The following SLC25A21 variants were observed in gnomAD, a reference collection of about 807,000 sequenced individuals.
SLC25A21 encodes mitochondrial 2-oxodicarboxylate carrier.
SLC25A21 carries 47 observed loss-of-function variants against 43.8 expected under a neutral mutation model. The observed-to-expected ratio is 1.07, with a 90% CI of 0.85 to 1.37. The LOEUF is 1.37. SLC25A21 is among the 40% of genes most tolerant of loss of function. SLC25A21 has a pLI of 0.00. For synonymous variants in SLC25A21, 131 were observed against 121.3 expected (o/e 1.08, Z -0.52); for missense variants, 352 against 350.2 (o/e 1.00, Z -0.04).
intron 1 of SLC25A21, among the ~76,000 whole-genome samples, chr14:36,921,767 T>C (rs1328235385): frequency 6.6e-6 from 1 of 152,192 alleles, no homozygotes; most frequent in African/African-American, 2.4e-5. Context: ...ATGCTCATTT[T>C]GTGAAAACTT....
chr14:37,126,286 C>A (rs924092714), intron 1 of SLC25A21, among the ~76,000 whole-genome samples: 1 of 152,024 alleles, frequency 6.6e-6, no homozygotes, highest in Non-Finnish European at 1.5e-5. Flanking sequence ...AAACCATCAT[C>A]AAGGCTTGAC....
At chr14:36,777,261 A>G (rs542307047) in intron 3 of SLC25A21, among the ~76,000 whole-genome samples, 181 of 152,312 alleles carry the variant, frequency 1.2e-3, no homozygotes, top group African/African-American at 4.2e-3. Context: ...CTGTCTCAAA[A>G]AAACAAAAAC....
At chr14:36,731,691 G>T (rs1396204122) in intron 4 of SLC25A21, among the ~76,000 whole-genome samples, 4 of 152,134 alleles carry the variant, frequency 2.6e-5, no homozygotes, top group Non-Finnish European at 4.4e-5. Flanking sequence ...AAAGCCTTTT[G>T]GGTGGTTCTT....
intron 3 of SLC25A21, among the ~76,000 whole-genome samples, chr14:36,788,000 T>C (rs1300263479): frequency 2.6e-5 from 4 of 152,200 alleles, no homozygotes. Flanking sequence ...GCTAAGCAAC[T>C]ATAAACACTA....
chr14:36,694,257 GCTGCA>G (rs988984784), intron 7 of SLC25A21, among the ~76,000 whole-genome samples: 1 of 152,120 alleles, frequency 6.6e-6, no homozygotes, highest in African/African-American at 2.4e-5. Flanking sequence ...CCTTTTTATG[GCTGCA>G]TAGTATTCCA....
At chr14:37,172,205 T>C in intron 1 of SLC25A21, 76 bp downstream of exon 1, 1 of 1,428,562 alleles carries the variant, frequency 7.0e-7, no homozygotes, top group Non-Finnish European at 9.5e-7. Context: ...TAAGGAGACC[T>C]GTCTGGGCAA....
intron 1 of SLC25A21, among the ~76,000 whole-genome samples, chr14:37,117,597 G>A (rs1054951135): frequency 4.4e-4 from 67 of 152,218 alleles, no homozygotes; most frequent in Admixed American, 3.8e-3. Flanking sequence ...ATATACTAGA[G>A]TACGTTTTTC....
chr14:36,774,670 G>A (rs1003065664), intron 3 of SLC25A21, among the ~76,000 whole-genome samples: 6 of 152,004 alleles, frequency 3.9e-5, no homozygotes. Context: ...TGGGCTCAAG[G>A]ATCCTCCCCC....
chr14:37,050,691 C>T (rs1961684442), intron 1 of SLC25A21, among the ~76,000 whole-genome samples: 1 of 152,178 alleles, frequency 6.6e-6, no homozygotes, highest in African/African-American at 2.4e-5. Context: ...TCTTCCAAGC[C>T]AAAGTCATCT....
At chr14:37,159,679 T>G (rs981767045) in intron 1 of SLC25A21, among the ~76,000 whole-genome samples, 8 of 152,166 alleles carry the variant, frequency 5.3e-5, no homozygotes, top group African/African-American at 1.9e-4. Flanking sequence ...AAGGAATTTA[T>G]GACTAATACC....
At chr14:36,783,517 G>T (rs540910935) in intron 3 of SLC25A21, among the ~76,000 whole-genome samples, 1 of 152,230 alleles carries the variant, frequency 6.6e-6, no homozygotes, top group East Asian at 1.9e-4. Flanking sequence ...CAAGAAAGAG[G>T]TTGGCCTCCT....
At chr14:36,752,914 G>T (rs557440797) in intron 3 of SLC25A21, among the ~76,000 whole-genome samples, 1 of 152,280 alleles carries the variant, frequency 6.6e-6, no homozygotes, top group African/African-American at 2.4e-5. Context: ...TAAGTTTCCT[G>T]AGGCCTCCCA....
At chr14:36,738,741 T>C (rs1036349318) in intron 3 of SLC25A21, among the ~76,000 whole-genome samples, 1 of 152,226 alleles carries the variant, frequency 6.6e-6, no homozygotes, top group Admixed American at 6.5e-5. Flanking sequence ...AAGTTGTTAC[T>C]TCTAAAAGGT....
At chr14:37,069,065 T>G (rs1962120552) in intron 1 of SLC25A21, among the ~76,000 whole-genome samples, 1 of 151,960 alleles carries the variant, frequency 6.6e-6, no homozygotes, top group Admixed American at 6.5e-5. Flanking sequence ...TAGTTCCAGC[T>G]ACTCTGGAGG....
At chr14:36,887,399 C>T (rs1345306455) in intron 1 of SLC25A21, among the ~76,000 whole-genome samples, 1 of 151,782 alleles carries the variant, frequency 6.6e-6, no homozygotes, top group East Asian at 1.9e-4. Flanking sequence ...CCCATCTCTA[C>T]TAAAAATACA....
At chr14:36,693,906 A>G (rs1252259415) in intron 7 of SLC25A21, among the ~76,000 whole-genome samples, 3 of 152,218 alleles carry the variant, frequency 2.0e-5, no homozygotes, top group Admixed American at 1.3e-4. Flanking sequence ...AGTTCCACCA[A>G]AATTTTTTAA....
chr14:36,886,671 GT>G, intron 1 of SLC25A21, among the ~76,000 whole-genome samples: 1 of 152,034 alleles, frequency 6.6e-6, no homozygotes, highest in South Asian at 2.1e-4. Context: ...AAATAAGTGA[GT>G]TTTTTTTAAC....
intron 1 of SLC25A21, among the ~76,000 whole-genome samples, chr14:37,079,676 G>T (rs1466275250): frequency 6.6e-6 from 1 of 152,082 alleles, no homozygotes; most frequent in Non-Finnish European, 1.5e-5. Flanking sequence ...TGTGCCTCCT[G>T]CTCAGACCAA....
chr14:36,934,657 T>C (rs1292767579), intron 1 of SLC25A21, among the ~76,000 whole-genome samples: 1 of 152,044 alleles, frequency 6.6e-6, no homozygotes, highest in African/African-American at 2.4e-5. Flanking sequence ...TTCTAGTTTA[T>C]AAAATATAGT....
Sources: gnomAD v4.1 joint callset for allele counts (sites outside exome capture counted in the v4.1 genomes callset) on GRCh38, gnomAD v4.1.1 for gene constraint, MANE v1.5 for transcripts, NCBI Gene and HGNC (gene_info 2026-07-23, HGNC 2026-07-21) for gene names.